CCDC171: variants seen among roughly 807,000 people sequenced by gnomAD.
The protein encoded by CCDC171 is coiled-coil domain-containing protein 171.
Under a neutral mutation model 168.2 loss-of-function variants are expected in CCDC171, and 177 were observed. That is an observed-to-expected ratio of 1.05 (90% CI 0.93 to 1.19). The LOEUF (loss-of-function observed/expected upper bound fraction) is 1.19, where lower values mean the gene tolerates loss of function less well. Among genes scored for constraint, CCDC171 ranks in the 50% most tolerant of loss-of-function variants. The pLI is 0.00. For missense variants in CCDC171, 1,991 were observed against 1,539.0 expected (o/e 1.29, Z -4.91); for synonymous variants, 687 against 540.8 (o/e 1.27, Z -3.75).
intron 21 of CCDC171, among the ~76,000 whole-genome samples, chr9:15,826,245 A>G (rs565834879): frequency 1.1e-4 from 17 of 152,204 alleles, no homozygotes; most frequent in African/African-American, 1.7e-4. Context: ...CAAATATTAT[A>G]ATAAACAATT....
At chr9:15,980,696 T>C (rs940113676) in intron 3 of CCDC171, among the ~76,000 whole-genome samples, 1 of 152,120 alleles carries the variant, frequency 6.6e-6, no homozygotes, top group African/African-American at 2.4e-5. Context: ...TGGGCATATA[T>C]TCTGTTATAA....
intron 24 of CCDC171, chr9:15,882,931 T>C (rs906538425): frequency 4.0e-4 from 73 of 184,002 alleles, no homozygotes; most frequent in Middle Eastern, 2.6e-3. Flanking sequence ...GGTAAAAATA[T>C]AAAATTATAC....
chr9:15,830,968 A>ATTTTTT (rs71325936), intron 21 of CCDC171, among the ~76,000 whole-genome samples: 1 of 123,000 alleles, frequency 8.1e-6, no homozygotes, highest in Non-Finnish European at 1.6e-5. Context: ...CCATATCTTA[A>ATTTTTT]TTTTTTTTTT....
intron 4 of CCDC171, among the ~76,000 whole-genome samples, chr9:15,587,182 T>A (rs911916563): frequency 6.6e-6 from 1 of 152,190 alleles, no homozygotes; most frequent in Non-Finnish European, 1.5e-5. Flanking sequence ...TGCCGGATGT[T>A]GGAGGACTCT....
chr9:15,650,944 T>G (rs1296203514), intron 7 of CCDC171, among the ~76,000 whole-genome samples: 1 of 152,060 alleles, frequency 6.6e-6, no homozygotes, highest in African/African-American at 2.4e-5. Flanking sequence ...GCTATCTAAC[T>G]TTAGGACTTA....
intron 2 of CCDC171, among the ~76,000 whole-genome samples, chr9:15,566,419 C>T (rs2039731492): frequency 1.3e-5 from 2 of 151,950 alleles, no homozygotes; most frequent in Admixed American, 1.3e-4. Context: ...ATTAGCCAGG[C>T]GTGGTGGTGT....
At chr9:16,079,011 A>G in the CCDC171 span, among the ~76,000 whole-genome samples, 3 of 152,174 alleles carry the variant, frequency 2.0e-5, no homozygotes, top group East Asian at 3.8e-4. Flanking sequence ...TAGACCAAGG[A>G]GGTAATGGTT....
At chr9:15,894,383 A>G (rs1342507950) in intron 24 of CCDC171, among the ~76,000 whole-genome samples, 1 of 152,096 alleles carries the variant, frequency 6.6e-6, no homozygotes, top group African/African-American at 2.4e-5. Context: ...GCACACGTTT[A>G]CCTGTGTAAC....
chr9:16,100,175 A>C, the CCDC171 span, among the ~76,000 whole-genome samples: 465 of 152,290 alleles, frequency 3.1e-3, no homozygotes, highest in African/African-American at 9.3e-3. Context: ...GTGTGCAGCC[A>C]AAACTCAGCC....
rs958882824 is a variant in CCDC171 at position 15,867,518 on chromosome 9, G to A, written c.3469-7014G>A. On this transcript the variant is annotated intron_variant, in intron 23 of 25. Transcript: ENST00000380701. The stretch of plus-strand genomic sequence containing the variant: ...TGATCTTGGTTCCTGAAGATCAGCT[G>A]TGCAGGACACACAGGTGTTAACACA... Among the ~76,000 whole-genome samples the A allele has an allele frequency of 3.3e-5, 5 of 152,100 alleles. No homozygotes were observed. In the East Asian group the frequency reaches 9.7e-4, roughly 30 times the overall value.
In CCDC171 at chr9:15,627,461, G is replaced by C. The variant is rs535702739; in HGVS notation, c.822+4048G>C. ...CTTTCTCTTGTGGGCATTTAGTGCT[G>C]CAAATTTCCCTCTACACGCTGGTTT... On this transcript the variant is annotated intron_variant, in intron 7 of 25. Transcript: ENST00000380701. Among the ~76,000 whole-genome samples the C allele has an allele frequency of 4.6e-5, 7 of 152,108 alleles. No homozygotes were observed. The South Asian group carries it at 1.5e-3, about 32-fold the overall frequency.
At chr9:15,620,794 G>A (rs1489265221) in intron 6 of CCDC171, among the ~76,000 whole-genome samples, 1 of 152,072 alleles carries the variant, frequency 6.6e-6, no homozygotes, top group African/African-American at 2.4e-5. Flanking sequence ...CTTCTTTGTT[G>A]CCTTATTTTA....
intron 24 of CCDC171, among the ~76,000 whole-genome samples, chr9:15,877,173 T>G (rs1376360747): frequency 8.8e-6 from 1 of 114,226 alleles, no homozygotes; most frequent in Non-Finnish European, 1.9e-5. Flanking sequence ...TCCAACTTTC[T>G]TAGCTGAAAC....
At chr9:15,861,216 CT>C (rs1554652750) in intron 23 of CCDC171, among the ~76,000 whole-genome samples, 14 of 148,486 alleles carry the variant, frequency 9.4e-5, no homozygotes, top group African/African-American at 7.4e-5. Context: ...ATAGTTGGAT[CT>C]TTTTTTTTTT....
chr9:16,075,121 A>G, the CCDC171 span, among the ~76,000 whole-genome samples: 6 of 152,204 alleles, frequency 3.9e-5, no homozygotes, highest in Non-Finnish European at 8.8e-5. Context: ...ATTGAAATTC[A>G]TACTTTCCTT....
chr9:15,897,550 T>G (rs1821074377), intron 24 of CCDC171, among the ~76,000 whole-genome samples: 1 of 152,104 alleles, frequency 6.6e-6, no homozygotes, highest in Non-Finnish European at 1.5e-5. Context: ...ATTTGAAATA[T>G]TTATTTACAT....
At chr9:16,095,046 G>A in the CCDC171 span, among the ~76,000 whole-genome samples, 6 of 152,112 alleles carry the variant, frequency 3.9e-5, no homozygotes, top group Admixed American at 2.0e-4. Context: ...TCTTTCCTCT[G>A]TGATTGTAAG....
intron 9 of CCDC171, among the ~76,000 whole-genome samples, chr9:15,667,490 A>T (rs1237458165): frequency 1.3e-5 from 2 of 152,004 alleles, no homozygotes; most frequent in African/African-American, 4.8e-5. Flanking sequence ...TACTAAAAAT[A>T]AAAAAATTAG....
chr9:15,624,627 A>G (rs1283795635), intron 7 of CCDC171, among the ~76,000 whole-genome samples: 4 of 152,144 alleles, frequency 2.6e-5, no homozygotes, highest in African/African-American at 9.7e-5. Flanking sequence ...CCATGTCCCT[A>G]CAAGGGACAT....
Sources: allele counts gnomAD v4.1 joint callset (sites outside exome capture counted in the v4.1 genomes callset), GRCh38; gene constraint gnomAD v4.1.1; transcripts MANE v1.5; gene names NCBI Gene and HGNC (gene_info 2026-07-23, HGNC 2026-07-21).